Variants in PCDHA9 observed in about 807,000 individuals in gnomAD.
PCDHA9 encodes protocadherin alpha 9.
Under a neutral mutation model 62.0 loss-of-function variants are expected in PCDHA9, and 62 were observed. That is an observed-to-expected ratio of 1.00 (90% confidence interval 0.81 to 1.23). The LOEUF (loss-of-function observed/expected upper bound fraction) is 1.23, where lower values mean the gene tolerates loss of function less well. Among genes scored for constraint, PCDHA9 ranks in the 50% most tolerant of loss-of-function variants. The pLI is 0.00. For missense variants in PCDHA9, 1,205 were observed against 1,249.8 expected, an observed-to-expected ratio of 0.96 and a Z score of 0.54; for synonymous variants, 557 against 567.6, an observed-to-expected ratio of 0.98 and a Z score of 0.27.
intron 1 of PCDHA9, chr5:140,851,486 C>A (rs2042075619): frequency 1.1e-6 from 1 of 886,576 alleles, no homozygotes; most frequent in Middle Eastern, 5.8e-4. Context: ...ATAAACACAG[C>A]CTTCATTTCA....
Position 140,927,102 on chromosome 5 carries a change from A to G in PCDHA9, c.2395-51847A>G, listed in dbSNP as rs144696843. 1.4e-5 allele frequency: 23 copies of G among 1,613,520 alleles called. No individual in the cohort carries two copies. In the African/African-American group the frequency reaches 1.7e-4, roughly 12 times the overall value. ...GCGAGCTCTACTTCGGGGTGGATCTACCCAGCGGCAATTTGGTGGTCAGAG... is the reference window on the plus strand; with the variant it reads ...GCGAGCTCTACTTCGGGGTGGATCTGCCCAGCGGCAATTTGGTGGTCAGAG... On this transcript the variant is annotated intron_variant, in intron 1 of 3. Transcript: ENST00000532602.
intron 1 of PCDHA9, among the ~76,000 whole-genome samples, chr5:140,886,245 A>G (rs1241977297): frequency 6.6e-6 from 1 of 152,046 alleles, no homozygotes; most frequent in Non-Finnish European, 1.5e-5. Context: ...GAAATAAATA[A>G]AAGTATCTCT....
At position 140,884,619 on chromosome 5, in the gene PCDHA9, A is replaced by C; in HGVS notation, c.2394+33730A>C. ...CTTCCTCCTTGTCTGGGTTCTGCAGAGGGAACAGGCCAGAGGGAGGAGGAC... is the reference window on the plus strand; with the variant it reads ...CTTCCTCCTTGTCTGGGTTCTGCAGCGGGAACAGGCCAGAGGGAGGAGGAC... On this transcript the variant is annotated intron_variant, in intron 1 of 3. Coordinates refer to ENST00000532602, the MANE Select transcript of PCDHA9 (RefSeq NM_031857.2). 3.7e-6 allele frequency: 6 copies of C among 1,614,074 alleles called. No homozygotes were observed. The highest frequency in any genetic ancestry group is 5.1e-6 in the Non-Finnish European group (6 of 1,179,956).
rs1190939164 is a variant in PCDHA9, at chr5:140,968,882, C to T, written c.2395-10067C>T. ...CCCTCGGACATACTCTGAAATTACC[C>T]TTTATCTAATAATAGCATTAAGCAC... On this transcript the variant is annotated intron_variant, in intron 1 of 3. Transcript: ENST00000532602. 6 of 1,614,066 alleles carry T rather than the reference C, an allele frequency of 3.7e-6. No individual in the cohort carries two copies. The African/African-American group carries it at 6.7e-5, about 18-fold the overall frequency.
chr5:140,908,493 G>T (rs545927854), intron 1 of PCDHA9, among the ~76,000 whole-genome samples: 14 of 152,270 alleles, frequency 9.2e-5, no homozygotes, highest in African/African-American at 3.4e-4. Flanking sequence ...AGTTCAGGTT[G>T]CTTGGTGACT....
chr5:140,850,409 C>G lies in PCDHA9; in HGVS notation c.1914C>G (p.Asp638Glu). 1 of 1,597,868 alleles carries G rather than the reference C, an allele frequency of 6.3e-7. No homozygotes were observed. Among genetic ancestry groups the G allele is most frequent in the South Asian group, 1.1e-5 (1 of 90,506 alleles). ...TGEISTTRAL[D>E]ETDAPRQRLL... ...AGATCAGCACAACGCGTGCCCTGGA[C>G]GAAACGGACGCACCGCGCCAGCGCC... Residue 638 changes from aspartate (D) to glutamate (E), a missense_variant, in exon 1 of 4, where the codon GAC becomes GAG. Physicochemically the swap from Asp to Glu is conservative, Grantham distance 45 (BLOSUM62 2). Coordinates refer to ENST00000532602, the MANE Select transcript of PCDHA9 (RefSeq NM_031857.2).
intron 1 of PCDHA9, among the ~76,000 whole-genome samples, chr5:140,939,868 T>C (rs868982739): frequency 2.6e-5 from 4 of 152,340 alleles, no homozygotes; most frequent in Middle Eastern, 6.8e-3. Flanking sequence ...CATTAGGTCA[T>C]CTTTGCTAGT....
chr5:140,871,467 G>A (rs782618131), intron 1 of PCDHA9: 18 of 1,602,610 alleles, frequency 1.1e-5, no homozygotes, highest in Non-Finnish European at 1.3e-5. Context: ...GGGAAAGACA[G>A]GAGCCAGGGT....
intron 2 of PCDHA9, among the ~76,000 whole-genome samples, chr5:140,979,612 G>A (rs1223690856): frequency 6.6e-6 from 1 of 152,042 alleles, no homozygotes; most frequent in Admixed American, 6.6e-5. Flanking sequence ...CTAGAGTAAC[G>A]GTATTAGTCT....
chr5:141,005,701 CA>C (rs59860837), intron 3 of PCDHA9, among the ~76,000 whole-genome samples: 201 of 7,776 alleles, frequency 0.026, no homozygotes, highest in African/African-American at 0.052. Flanking sequence ...AACTCCGTCT[CA>C]AAAAAAAAAA....
At chr5:140,924,223 T>A (rs2081726593) in intron 1 of PCDHA9, among the ~76,000 whole-genome samples, 1 of 152,230 alleles carries the variant, frequency 6.6e-6, no homozygotes, top group South Asian at 2.1e-4. Context: ...ATAAGTTCAA[T>A]TTTTATGGGC....
Position 140,973,027 on chromosome 5 carries a change from T to C in PCDHA9, c.2395-5922T>C, listed in dbSNP as rs373487044. On this transcript the variant is annotated intron_variant, in intron 1 of 3. Coordinates refer to ENST00000532602, the MANE Select transcript of PCDHA9 (RefSeq NM_031857.2). ...TCGTGGTGTTGTGATTGTTAATGAG[T>C]CACTTTGAGTACTCTAGTAGATTTG... Among the ~76,000 whole-genome samples the C allele has an allele frequency of 2.6e-5, 4 of 152,042 alleles. No individual in the cohort carries two copies. The East Asian group carries it at 5.8e-4, about 22-fold the overall frequency.
Position 140,849,847 on chromosome 5 carries a change from A to G in PCDHA9, c.1352A>G (p.Asn451Ser), listed in dbSNP as rs2150453307. 2.4e-5 allele frequency: 39 copies of G among 1,598,408 alleles called. 5 individuals are homozygous for G. In the South Asian group the frequency reaches 2.8e-4, roughly 11 times the overall value. Residue 451 changes from asparagine (N) to serine (S), a missense_variant, in exon 1 of 4, where the codon AAC (asparagine) becomes AGC (serine). By Grantham distance (46) the Asn-to-Ser change is conservative (BLOSUM62 1). Transcript: ENST00000532602. ...VSVEVADVNDNAPAFAQSEYT... is the reference protein window; with the variant it reads ...VSVEVADVNDSAPAFAQSEYT... ...GTGGAGGTGGCCGACGTGAACGACA[A>G]CGCACCAGCGTTCGCGCAGTCCGAG...
At chr5:140,922,135 C>T (rs550862927) in intron 1 of PCDHA9, among the ~76,000 whole-genome samples, 3 of 152,092 alleles carry the variant, frequency 2.0e-5, no homozygotes, top group African/African-American at 7.2e-5. Context: ...TGTCTCTTAT[C>T]CTCCATGAAA....
At chr5:140,947,451 A>G (rs2094135983) in intron 1 of PCDHA9, among the ~76,000 whole-genome samples, 1 of 151,658 alleles carries the variant, frequency 6.6e-6, no homozygotes, top group Non-Finnish European at 1.5e-5. Context: ...GAAATCCTCC[A>G]ACCTTGTTCT....
intron 1 of PCDHA9, chr5:140,930,201 A>G (rs1185112868): frequency 6.6e-6 from 1 of 152,178 alleles, no homozygotes; most frequent in Non-Finnish European, 1.5e-5. Flanking sequence ...TTATGTCAGA[A>G]ATATTTATGT....
intron 1 of PCDHA9, among the ~76,000 whole-genome samples, chr5:140,913,413 G>A (rs976186231): frequency 3.3e-5 from 5 of 152,050 alleles, no homozygotes; most frequent in Non-Finnish European, 5.9e-5. Flanking sequence ...TTGAATTCCT[G>A]CAGTATCAGT....
chr5:141,007,775 A>G (rs1156577699), intron 3 of PCDHA9, among the ~76,000 whole-genome samples: 2 of 152,216 alleles, frequency 1.3e-5, no homozygotes, highest in Non-Finnish European at 2.9e-5. Context: ...TGGAAATGGT[A>G]CTGCTTTACA....
intron 1 of PCDHA9, chr5:140,854,192 T>C: frequency 3.9e-6 from 2 of 506,570 alleles, no homozygotes; most frequent in Non-Finnish European, 5.1e-6. Flanking sequence ...GTTTAACTAC[T>C]CCCTACTTTT....
Sources: allele counts gnomAD v4.1 joint callset (sites outside exome capture counted in the v4.1 genomes callset), GRCh38; gene constraint gnomAD v4.1.1; transcripts MANE v1.5; gene names NCBI Gene and HGNC (gene_info 2026-07-23, HGNC 2026-07-21).